FRG2C: variants seen among roughly 807,000 people sequenced by gnomAD.
FRG2C encodes FSHD region gene 2 family member C.
FRG2C carries 8 observed loss-of-function variants against 14.1 expected under a neutral mutation model. That is an observed-to-expected ratio of 0.57 (90% confidence interval 0.33 to 1.02). The LOEUF (loss-of-function observed/expected upper bound fraction) is 1.02, where lower values mean the gene tolerates loss of function less well. Ranked by LOEUF, FRG2C falls within the 50% of genes least tolerant of loss-of-function variation. The probability of loss-of-function intolerance (pLI) is 0.03; values close to 1 mark genes in which losing one functional copy is unlikely to be tolerated. For synonymous variants in FRG2C, 92 were observed against 127.4 expected, an observed-to-expected ratio of 0.72 and a Z score of 1.87; for missense variants, 214 against 334.2, an observed-to-expected ratio of 0.64 and a Z score of 2.80.
At position 75,666,437 on chromosome 3, in the gene FRG2C, T is replaced by C. The variant is rs1199671500; in HGVS notation, c.*396T>C. On this transcript the variant is annotated 3_prime_UTR_variant, in exon 4 of 4. Coordinates refer to ENST00000308062, the MANE Select transcript of FRG2C (RefSeq NM_001124759.5). ...CTATGTCACTCAGGCTGGAGTGCAG[T>C]GGCACAATCTTAGCTCACTGCAACC... The C allele has an allele frequency of 5.4e-6, 2 of 371,586 alleles. No homozygotes were observed. The highest frequency in any genetic ancestry group is 9.6e-6 in the Non-Finnish European group (2 of 207,682). The allele number at this position is 371,586 out of a possible 1,614,324, so 23.0% of individuals were successfully genotyped here. A position where few individuals can be genotyped will look rare whatever the true frequency, so the allele number is the denominator to read the frequency against.
chr3:75,665,327 G>C lies in FRG2C; in HGVS notation c.334+124G>C, dbSNP rs1444653356. ...TTGAGCGGAAAGGGAATTACTTATT[G>C]ACAAGTAAATTTTTGAGATCCTAGC... is the stretch of plus-strand genomic sequence containing the variant. On this transcript the variant is annotated intron_variant, in intron 3 of 3. Transcript: ENST00000308062. The C allele has an allele frequency of 3.5e-6, 5 of 1,438,282 alleles. No homozygotes were observed. In the African/African-American group the frequency reaches 7.1e-5, roughly 20 times the overall value. The allele number at this position is 1,438,282 out of a possible 1,614,324, so 89.1% of individuals were successfully genotyped here.
chr3:75,665,701 C>A lies in FRG2C; in HGVS notation c.509C>A (p.Pro170Gln), dbSNP rs1456457602. Residue 170 changes from proline to glutamine, a missense_variant, in exon 4 of 4, where the codon CCG becomes CAG. Pro to Gln is a moderately conservative substitution (Grantham distance 76). Coordinates refer to ENST00000308062, the MANE Select transcript of FRG2C (RefSeq NM_001124759.5). ...TCTCGGGCCCTAGAAGTCCAAACAC[C>A]GTCACTTCGAAAAAGCTTGGTGACC... ...HRSRALEVQT[P>Q]SLRKSLVTSV... The A allele has an allele frequency of 1.2e-6, 2 of 1,611,850 alleles. No individual in the cohort carries two copies. The highest frequency in any genetic ancestry group is 1.7e-5 in the Admixed American group (1 of 59,978).
At chr3:75,664,796 G>C in intron 1 of FRG2C, 23 bp from the exon 2 acceptor site, 1 of 1,614,158 alleles carries the variant, frequency 6.2e-7, no homozygotes, top group South Asian at 1.1e-5. Flanking sequence ...GGAGAGGTGA[G>C]CCATCTAAAC....
At chr3:75,665,449 C>A (rs1937064497) in intron 3 of FRG2C, 78 bp from the exon 4 acceptor site, 2 of 1,556,944 alleles carry the variant, frequency 1.3e-6, no homozygotes, top group Non-Finnish European at 1.7e-6. Flanking sequence ...ATGGGGTTCA[C>A]CTGGGTGCAC....
intron 1 of FRG2C, 123 bp from the exon 2 acceptor site, chr3:75,664,696 T>C (rs1428289910): frequency 6.3e-5 from 102 of 1,606,624 alleles, no homozygotes; most frequent in Non-Finnish European, 7.7e-5. Context: ...CTTTGAGAAA[T>C]GTGTTCACTC....
chr3:75,664,672 G>A (rs1575739927), intron 1 of FRG2C, 115 bp downstream of exon 1: 4 of 1,610,204 alleles, frequency 2.5e-6, no homozygotes, highest in East Asian at 2.2e-5. Context: ...AAATGGCTTA[G>A]TGCCCTTAGG....
chr3:75,665,695 A>C lies in FRG2C; in HGVS notation c.503A>C (p.Gln168Pro). 1 of 1,614,074 alleles carries C rather than the reference A, an allele frequency of 6.2e-7. No homozygotes were observed. Among genetic ancestry groups the C allele is most frequent in the Non-Finnish European group, 8.5e-7 (1 of 1,179,882 alleles). ...CATAGGTCTCGGGCCCTAGAAGTCC[A>C]AACACCGTCACTTCGAAAAAGCTTG... is the stretch of plus-strand genomic sequence containing the variant. ...KRHRSRALEV[Q>P]TPSLRKSLVT... The change falls in exon 4 of 4, where the codon CAA becomes CCA. Residue 168 changes from glutamine to proline, a missense_variant. This residue lies in a region of FRG2C where 136 missense variants were observed against 148.1 expected (regional missense o/e 0.92). Transcript: ENST00000308062.
In FRG2C at chr3:75,666,994, T is replaced by G. The variant is rs1937124715; in HGVS notation, c.*953T>G. 6.6e-6 allele frequency: 1 copy of G among 152,370 alleles called. No homozygotes were observed. Among genetic ancestry groups the G allele is most frequent in the African/African-American group, 2.4e-5 (1 of 41,488 alleles). 9.4% of individuals were successfully genotyped at this position (152,370 alleles called of 1,614,324 possible). On this transcript the variant is annotated 3_prime_UTR_variant, in exon 4 of 4. Transcript: ENST00000308062. ...TGTACTGTATTGCAGGATATGGAGATTTCATCACATACTACAATACAGTGT... is the reference window on the plus strand; with the variant it reads ...TGTACTGTATTGCAGGATATGGAGAGTTCATCACATACTACAATACAGTGT...
At position 75,664,384 on chromosome 3, in the gene FRG2C, G is replaced by A; in HGVS notation, c.5G>A (p.Gly2Glu). The A allele has an allele frequency of 1.9e-6, 3 of 1,612,140 alleles. No individual in the cohort carries two copies. The highest frequency in any genetic ancestry group is 1.3e-5 in the African/African-American group (1 of 75,016). M[G>E]KGNEDPDLHC... Reference sequence around the variant, plus strand: ...ACCTTTCACTTGAGCTTCAACATGGGAAAGGGAAATGAAGACCCCGATCTC... The same window carrying A: ...ACCTTTCACTTGAGCTTCAACATGGAAAAGGGAAATGAAGACCCCGATCTC... Residue 2 changes from glycine (G) to glutamate (E), a missense_variant, in exon 1 of 4, where the codon GGA becomes GAA. Transcript: ENST00000308062.
Position 75,665,201 on chromosome 3 carries a change from C to A in FRG2C, c.332C>A (p.Ala111Glu), listed in dbSNP as rs1159294022. The change falls in exon 3 of 4, where the codon GCA (alanine) becomes GAA (glutamate). Residue 111 changes from alanine to glutamate, a missense_variant and splice_region_variant. Physicochemically the swap from Ala to Glu is moderately radical, Grantham distance 107. Around this residue, in one of 3 missense-constraint regions of FRG2C, gnomAD observed 136 missense variants for 148.1 expected, o/e 0.92. Transcript: ENST00000308062. ...ISSKDICQDR[A>E]GNCPEEECNL... Reference sequence around the variant, plus strand: ...TCCAAGGATATCTGCCAAGACAGAGCAGGTAGAATCTTGGTGTTTGTTGTT... The same window carrying A: ...TCCAAGGATATCTGCCAAGACAGAGAAGGTAGAATCTTGGTGTTTGTTGTT... 17 of 1,613,920 alleles carry A rather than the reference C, an allele frequency of 1.1e-5. No homozygotes were observed. In the East Asian group the frequency reaches 3.6e-4, roughly 34 times the overall value.
rs1937025290 is a variant in FRG2C at position 75,664,417 on chromosome 3, C to T, written c.38C>T (p.Ser13Phe). 1.2e-5 allele frequency: 20 copies of T among 1,612,138 alleles called. No individual in the cohort carries two copies. In the South Asian group the frequency reaches 1.9e-4, roughly 15 times the overall value. ...AATGAAGACCCCGATCTCCACTGTTCCTCCATCCAGTGCTCCACTGACCAG... is the reference window on the plus strand; with the variant it reads ...AATGAAGACCCCGATCTCCACTGTTTCTCCATCCAGTGCTCCACTGACCAG... ...KGNEDPDLHC[S>F]SIQCSTDQPP... Residue 13 changes from serine to phenylalanine, a missense_variant, in exon 1 of 4, where the codon TCC (serine) becomes TTC (phenylalanine). Ser to Phe is a radical substitution (Grantham distance 155). Coordinates refer to ENST00000308062, the MANE Select transcript of FRG2C (RefSeq NM_001124759.5).
In FRG2C at chr3:75,664,421, C is replaced by T. The variant is rs1279474147; in HGVS notation, c.42C>T (p.Ser14=). 6.8e-6 allele frequency: 11 copies of T among 1,612,028 alleles called. No individual in the cohort carries two copies. The highest frequency in any genetic ancestry group is 1.1e-5 in the South Asian group (1 of 91,000). Residue 14 remains serine, a synonymous_variant, in exon 1 of 4, where the codon TCC becomes TCT. Coordinates refer to ENST00000308062, the MANE Select transcript of FRG2C (RefSeq NM_001124759.5). The part of the protein sequence containing the change: ...GNEDPDLHCS[S]IQCSTDQPPF... ...AAGACCCCGATCTCCACTGTTCCTCCATCCAGTGCTCCACTGACCAGCCCC... is the reference window on the plus strand; with the variant it reads ...AAGACCCCGATCTCCACTGTTCCTCTATCCAGTGCTCCACTGACCAGCCCC...
At chr3:75,665,365 T>C (rs1161112731) in intron 3 of FRG2C, among the ~76,000 whole-genome samples, 162 bp downstream of exon 3, 10 of 152,278 alleles carry the variant, frequency 6.6e-5, no homozygotes, top group African/African-American at 2.4e-4. Context: ...TCTGAGAATA[T>C]TTGGGGACTC....
chr3:75,664,413 T>G lies in FRG2C; in HGVS notation c.34T>G (p.Cys12Gly). ...GKGNEDPDLHCSSIQCSTDQP... is the reference protein window; with the variant it reads ...GKGNEDPDLHGSSIQCSTDQP... ...GGGAAATGAAGACCCCGATCTCCAC[T>G]GTTCCTCCATCCAGTGCTCCACTGA... The change falls in exon 1 of 4, where the codon TGT becomes GGT. Residue 12 changes from cysteine (C) to glycine (G), a missense_variant. Around this residue, in one of 3 missense-constraint regions of FRG2C, gnomAD observed 23 missense variants for 67.1 expected, o/e 0.34. Coordinates refer to ENST00000308062, the MANE Select transcript of FRG2C (RefSeq NM_001124759.5). 1 of 1,605,380 alleles carries G rather than the reference T, an allele frequency of 6.2e-7. No homozygotes were observed. The highest frequency in any genetic ancestry group is 8.5e-7 in the Non-Finnish European group (1 of 1,176,696).
In FRG2C at chr3:75,664,801, C is replaced by A; in HGVS notation, c.179-18C>A. ...CTCTGCCTAGGGAGAGGTGAGCCAT[C>A]TAAACCTTCTCTTGCAGCAGGATCA... On this transcript the variant is annotated intron_variant, in intron 1 of 3. Transcript: ENST00000308062. 1 of 1,614,204 alleles carries A rather than the reference C, an allele frequency of 6.2e-7. No individual in the cohort carries two copies. Among genetic ancestry groups the A allele is most frequent in the Non-Finnish European group, 8.5e-7 (1 of 1,180,038 alleles).
At position 75,664,331 on chromosome 3, in the gene FRG2C, C is replaced by A. The variant is rs1210880204; in HGVS notation, c.-49C>A. ...GGCAGGTCTAGCAGACTAACCCACACTCTGCCTTTGGACATGTGAGAGAGC... is the reference window on the plus strand; with the variant it reads ...GGCAGGTCTAGCAGACTAACCCACAATCTGCCTTTGGACATGTGAGAGAGC... On this transcript the variant is annotated 5_prime_UTR_variant, in exon 1 of 4. Coordinates refer to ENST00000308062, the MANE Select transcript of FRG2C (RefSeq NM_001124759.5). The A allele has an allele frequency of 6.2e-7, 1 of 1,607,400 alleles. No homozygotes were observed.
Position 75,665,144 on chromosome 3 carries a change from A to G in FRG2C, c.275A>G (p.Tyr92Cys). ...TTCACAGAACCAGAGTCCAGCTCAT[A>G]TCAGGAAAACTGCAGGAAAAGAAAA... ...TAGSEPESSS[Y>C]QENCRKRKIS... Residue 92 changes from tyrosine to cysteine, a missense_variant, in exon 3 of 4, where the codon TAT becomes TGT. Physicochemically the swap from Tyr to Cys is radical, Grantham distance 194 (BLOSUM62 -2). Transcript: ENST00000308062. 1 of 1,614,136 alleles carries G rather than the reference A, an allele frequency of 6.2e-7. No homozygotes were observed. The highest frequency in any genetic ancestry group is 1.1e-5 in the South Asian group (1 of 91,086).
rs1937102370 is a variant in FRG2C at position 75,666,329 on chromosome 3, T to C, written c.*288T>C. The C allele has an allele frequency of 8.8e-6, 5 of 569,618 alleles. No individual in the cohort carries two copies. The highest frequency in any genetic ancestry group is 5.0e-5 in the South Asian group (2 of 39,960). 35.3% of individuals were successfully genotyped at this position (569,618 alleles called of 1,614,324 possible). On this transcript the variant is annotated 3_prime_UTR_variant, in exon 4 of 4. Transcript: ENST00000308062. ...TCTATATAATCAGAAAAATATTAGG[T>C]TGCAATCGTGAATTTTCATATTTTA...
Position 75,666,299 on chromosome 3 carries a change from G to A in FRG2C, c.*258G>A, listed in dbSNP as rs35035420. 6 of 562,012 alleles carry A rather than the reference G, an allele frequency of 1.1e-5. No homozygotes were observed. In the East Asian group the frequency reaches 1.9e-4, roughly 18 times the overall value. The allele number at this position is 562,012 out of a possible 1,614,324, so 34.8% of individuals were successfully genotyped here. A position where few individuals can be genotyped will look rare whatever the true frequency, so the allele number is the denominator to read the frequency against. ...CTTTTGGATGTCTGATGACAGTCGT[G>A]CATTTCTATATAATCAGAAAAATAT... On this transcript the variant is annotated 3_prime_UTR_variant, in exon 4 of 4. Coordinates refer to ENST00000308062, the MANE Select transcript of FRG2C (RefSeq NM_001124759.5).
Sources: gnomAD v4.1 joint callset for allele counts (sites outside exome capture counted in the v4.1 genomes callset) on GRCh38, gnomAD v4.1.1 for gene constraint, gnomAD v4.1.1 regional missense constraint, MANE v1.5 for transcripts, NCBI Gene and HGNC (gene_info 2026-07-23, HGNC 2026-07-21) for gene names.